Variants in LDB3 observed in about 807,000 individuals in gnomAD.
LDB3 encodes LIM domain-binding protein 3.
Under a neutral mutation model 69.0 loss-of-function variants are expected in LDB3, and 49 were observed. The ratio of observed to expected loss-of-function variants is 0.71; its 90% confidence interval spans 0.56 to 0.90. The LOEUF (loss-of-function observed/expected upper bound fraction) is 0.90, where lower values mean the gene tolerates loss of function less well. Ranked by LOEUF, LDB3 falls within the 40% of genes least tolerant of loss-of-function variation. The pLI, the probability that LDB3 is intolerant of heterozygous loss-of-function variation, is 0.00. For missense variants in LDB3, 928 were observed against 974.1 expected, an observed-to-expected ratio of 0.95 and a Z score of 0.63; for synonymous variants, 387 against 396.2, an observed-to-expected ratio of 0.98 and a Z score of 0.28.
chr10:86,668,633 C>G, intron 1 of LDB3, 36 bp from the exon 2 acceptor site: 4 of 1,301,152 alleles, frequency 3.1e-6, no homozygotes, highest in Non-Finnish European at 4.5e-6. Context: ...TGCCTGAGTG[C>G]CCTCTCACTC....
rs45616142 is a variant in LDB3 at position 86,680,043 on chromosome 10, G to A, written c.246-39G>A. The A allele has an allele frequency of 3.6e-4, 576 of 1,585,146 alleles. 6 individuals are homozygous for A. The African/African-American group carries it at 7.2e-3, about 20-fold the overall frequency. Reference sequence around the variant, plus strand: ...CCAGGCAGGAGCTTCTGGCCCCAGGGGCAACTTCCTCACCTGGTCTCATTT... The same window carrying A: ...CCAGGCAGGAGCTTCTGGCCCCAGGAGCAACTTCCTCACCTGGTCTCATTT... On this transcript the variant is annotated intron_variant, in intron 3 of 13. Coordinates refer to ENST00000361373, the MANE Select transcript of LDB3 (RefSeq NM_007078.3).
At chr10:86,669,051 G>GGCAGGCAT (rs1222694121) in intron 2 of LDB3, among the ~76,000 whole-genome samples, 6 of 152,056 alleles carry the variant, frequency 3.9e-5, no homozygotes, top group Non-Finnish European at 8.8e-5. Flanking sequence ...CAGGCAGGCA[G>GGCAGGCAT]GCAGGCAGGC....
intron 2 of LDB3, among the ~76,000 whole-genome samples, chr10:86,675,496 G>A (rs1010895147): frequency 7.9e-5 from 12 of 152,264 alleles, no homozygotes; most frequent in African/African-American, 2.9e-4. Flanking sequence ...CGTGGGGTCT[G>A]CAATGACCCA....
At chr10:86,690,029 C>T (rs183657577) in intron 5 of LDB3, among the ~76,000 whole-genome samples, 3 of 152,134 alleles carry the variant, frequency 2.0e-5, no homozygotes, top group Non-Finnish European at 2.9e-5. Context: ...GGTCTTTGCA[C>T]GGGGTTGTGG....
Position 86,706,235 on chromosome 10 carries a change from A to C in LDB3, c.897-296A>C, listed in dbSNP as rs140990490. 5.8e-4 allele frequency among the ~76,000 whole-genome samples: 88 copies of C among 150,878 alleles called. 2 individuals carry two copies. In the East Asian group the frequency reaches 0.017, roughly 29 times the overall value. ...ACCACACTGTTTTGCTGAAAAAGAA[A>C]AATTAGGAAGTACAGAAAAATTTGA... On this transcript the variant is annotated intron_variant, in intron 7 of 13. Transcript: ENST00000361373.
chr10:86,701,634 G>C (rs1300200719), intron 7 of LDB3, among the ~76,000 whole-genome samples: 1 of 152,236 alleles, frequency 6.6e-6, no homozygotes, highest in East Asian at 1.9e-4. Context: ...ATGGTCCAGA[G>C]ACAGGGAGCA....
Position 86,716,352 on chromosome 10 carries a change from C to T in LDB3, c.1257C>T (p.Ser419=). Residue 419 remains serine (S), a synonymous_variant, in exon 10 of 14, where the codon TCC becomes TCT. Coordinates refer to ENST00000361373, the MANE Select transcript of LDB3 (RefSeq NM_007078.3). The stretch of plus-strand genomic sequence containing the variant: ...TGCCTGCATCTACCTACAGCCCGTC[C>T]CCAGGGGCCAATTACAGTCCCACTC... ...QPVPASTYSP[S]PGANYSPTPY... 1 of 1,611,188 alleles carries T rather than the reference C, an allele frequency of 6.2e-7. No individual in the cohort carries two copies. Among genetic ancestry groups the T allele is most frequent in the Non-Finnish European group, 8.5e-7 (1 of 1,179,794 alleles).
Position 86,726,174 on chromosome 10 carries a change from C to T in LDB3, c.2016C>T (p.Cys672=), listed in dbSNP as rs45578640. The change falls in exon 13 of 14, where the codon TGC becomes TGT. Residue 672 remains cysteine, a synonymous_variant. Transcript: ENST00000361373. ...TGTTCAGCACCAAGTGCCATGGCTGCGATTTCCCCGTGGAGGCTGGCGACA... is the reference window on the plus strand; with the variant it reads ...TGTTCAGCACCAAGTGCCATGGCTGTGATTTCCCCGTGGAGGCTGGCGACA... ...INLFSTKCHG[C]DFPVEAGDKF... is the part of the protein sequence containing the mutation. 7,235 of 1,613,954 alleles carry T rather than the reference C, an allele frequency of 4.5e-3. 27 individuals are homozygous for T. Among genetic ancestry groups the T allele is most frequent in the Non-Finnish European group, 5.8e-3 (6,846 of 1,179,950 alleles).
At chr10:86,682,864 G>A (rs923456547) in intron 5 of LDB3, among the ~76,000 whole-genome samples, 2 of 152,184 alleles carry the variant, frequency 1.3e-5, no homozygotes, top group Non-Finnish European at 2.9e-5. Context: ...CCAAGCCCAT[G>A]CCCTTGCCTT....
At chr10:86,693,236 G>C (rs984224572) in intron 7 of LDB3, among the ~76,000 whole-genome samples, 1 of 152,202 alleles carries the variant, frequency 6.6e-6, no homozygotes, top group East Asian at 1.9e-4. Flanking sequence ...GTGGGCATGG[G>C]GGGGGGCATG....
intron 7 of LDB3, 26 bp from the exon 8 acceptor site, chr10:86,706,505 T>C (rs1296823939): frequency 6.2e-7 from 1 of 1,609,926 alleles, no homozygotes; most frequent in Admixed American, 1.7e-5. Context: ...CCTTGACCTG[T>C]TGTCTTTTTG....
At chr10:86,691,278 C>T (rs1008778896) in intron 5 of LDB3, among the ~76,000 whole-genome samples, 4 of 152,206 alleles carry the variant, frequency 2.6e-5, no homozygotes, top group Non-Finnish European at 5.9e-5. Flanking sequence ...GGCTTCCATG[C>T]AGCCCCACTC....
chr10:86,693,957 G>A (rs895564199), intron 7 of LDB3, among the ~76,000 whole-genome samples: 6 of 152,200 alleles, frequency 3.9e-5, no homozygotes, highest in African/African-American at 1.4e-4. Flanking sequence ...TCCAGCAACA[G>A]GCCAGCAGGG....
At chr10:86,722,935 T>G (rs960904487) in intron 12 of LDB3, among the ~76,000 whole-genome samples, 3 of 151,988 alleles carry the variant, frequency 2.0e-5, no homozygotes, top group African/African-American at 7.2e-5. Context: ...TTTAATTAGG[T>G]TGTTTGAACC....
intron 7 of LDB3, among the ~76,000 whole-genome samples, chr10:86,701,381 C>T (rs879861232): frequency 1.1e-4 from 16 of 152,180 alleles, no homozygotes; most frequent in Admixed American, 7.9e-4. Context: ...CCCAGCCTGT[C>T]GGAGCTCTCT....
At chr10:86,718,255 C>G in intron 11 of LDB3, 111 bp downstream of exon 11, 1 of 1,016,198 alleles carries the variant, frequency 9.8e-7, no homozygotes, top group Non-Finnish European at 1.6e-6. Context: ...GAGAAAGCAA[C>G]TCCATTTTTA....
intron 2 of LDB3, among the ~76,000 whole-genome samples, chr10:86,672,250 T>C (rs1844525976): frequency 6.6e-6 from 1 of 152,236 alleles, no homozygotes; most frequent in Admixed American, 6.5e-5. Context: ...GGGCTGAGCC[T>C]GGGCCCAGGA....
intron 2 of LDB3, 44 bp downstream of exon 2, chr10:86,668,828 C>T (rs990633583): frequency 5.6e-6 from 8 of 1,428,872 alleles, no homozygotes; most frequent in East Asian, 2.3e-5. Context: ...GGGGCAGGCA[C>T]GCTTGGAGGA....
At chr10:86,714,571 T>C (rs1427080393) in intron 9 of LDB3, among the ~76,000 whole-genome samples, 5 of 150,604 alleles carry the variant, frequency 3.3e-5, no homozygotes, top group African/African-American at 1.2e-4. Context: ...TTTTTTTTTT[T>C]TTGAGATGGA....
Sources: allele counts gnomAD v4.1 joint callset (sites outside exome capture counted in the v4.1 genomes callset), GRCh38; gene constraint gnomAD v4.1.1; transcripts MANE v1.5; gene names NCBI Gene and HGNC (gene_info 2026-07-23, HGNC 2026-07-21).